The following FRMD5 variants were observed in gnomAD, a reference collection of about 807,000 sequenced individuals.
The protein encoded by FRMD5 is FERM domain-containing protein 5.
Under a neutral mutation model 69.0 loss-of-function variants are expected in FRMD5, and 20 were observed. The observed-to-expected ratio is 0.29, with a 90% confidence interval of 0.20 to 0.42. The LOEUF (loss-of-function observed/expected upper bound fraction) is 0.42, where lower values mean the gene tolerates loss of function less well. Ranked by LOEUF, FRMD5 falls within the 10% of genes least tolerant of loss-of-function variation. The pLI is 1.00. For synonymous variants in FRMD5, 271 were observed against 260.1 expected (o/e 1.04, Z -0.40); for missense variants, 595 against 708.6 (o/e 0.84, Z 1.82).
At chr15:43,878,986 G>A (rs577931323) in intron 13 of FRMD5, among the ~76,000 whole-genome samples, 1 of 134,728 alleles carries the variant, frequency 7.4e-6, no homozygotes, top group South Asian at 2.3e-4. Flanking sequence ...TGCCCAGGCT[G>A]GAGTGCAATG....
intron 1 of FRMD5, among the ~76,000 whole-genome samples, chr15:44,017,297 C>A (rs1198170739): frequency 6.6e-6 from 1 of 151,314 alleles, no homozygotes; most frequent in African/African-American, 2.4e-5. Flanking sequence ...AAGATAGCGC[C>A]ACTGCAGTCT....
At chr15:44,024,229 TTA>T (rs1891335823) in intron 1 of FRMD5, among the ~76,000 whole-genome samples, 2 of 152,154 alleles carry the variant, frequency 1.3e-5, no homozygotes, top group African/African-American at 2.4e-5. Context: ...ATTTTTTTTT[TTA>T]TGATTTTCGA....
intron 13 of FRMD5, among the ~76,000 whole-genome samples, chr15:43,875,365 T>A (rs56126604): frequency 0.15 from 12,427 of 83,688 alleles, 706 homozygotes; most frequent in Non-Finnish European, 0.17. Context: ...AAAAAAAAAA[T>A]ATATATATAT....
intron 1 of FRMD5, among the ~76,000 whole-genome samples, chr15:44,169,445 T>C (rs1202633868): frequency 6.6e-6 from 1 of 151,200 alleles, no homozygotes; most frequent in African/African-American, 2.4e-5. Flanking sequence ...GATCACCAGG[T>C]GGAAAGGGAG....
chr15:43,940,911 A>G (rs949849494), intron 1 of FRMD5, among the ~76,000 whole-genome samples: 3 of 152,222 alleles, frequency 2.0e-5, no homozygotes, highest in Non-Finnish European at 4.4e-5. Flanking sequence ...GGCTCTGACT[A>G]CTGAATTAAT....
Position 44,064,524 on chromosome 15 carries a change from G to C in FRMD5, c.102+130429C>G, listed in dbSNP as rs945787727. On this transcript the variant is annotated intron_variant, in intron 1 of 13. Coordinates refer to ENST00000417257, the MANE Select transcript of FRMD5 (RefSeq NM_032892.5). ...GAATTGCTTGAACTCGGGATGCGGA[G>C]GGTGTGATGAGCCGAGATCTCGTCA... Among the ~76,000 whole-genome samples the C allele has an allele frequency of 3.9e-5, 6 of 152,280 alleles. 1 individual carries two copies. The highest frequency in any genetic ancestry group is 3.3e-4 in the Admixed American group (5 of 15,298).
chr15:44,033,848 A>G lies in FRMD5; in HGVS notation c.103-109539T>C, dbSNP rs555119048. Among the ~76,000 whole-genome samples, 108 of 152,322 alleles carry G rather than the reference A, an allele frequency of 7.1e-4. 1 individual carries two copies. In the South Asian group the frequency reaches 0.022, roughly 31 times the overall value. On this transcript the variant is annotated intron_variant, in intron 1 of 13. Transcript: ENST00000417257. ...ACATGAGTGAAAACGGTTTGTCCCT[A>G]AGATTCGTAAGAATTAAATAAGATC...
chr15:44,152,127 T>C (rs1218227825), intron 1 of FRMD5, among the ~76,000 whole-genome samples: 1 of 152,176 alleles, frequency 6.6e-6, no homozygotes, highest in South Asian at 2.1e-4. Context: ...TGAGAATTGC[T>C]TGAACCTGGG....
chr15:44,092,742 C>G (rs903767810), intron 1 of FRMD5, among the ~76,000 whole-genome samples: 2 of 152,088 alleles, frequency 1.3e-5, no homozygotes, highest in African/African-American at 4.8e-5. Flanking sequence ...CCAGAATCCT[C>G]TCCCACCTCT....
At chr15:44,020,797 T>G (rs1235620972) in intron 1 of FRMD5, among the ~76,000 whole-genome samples, 1 of 152,188 alleles carries the variant, frequency 6.6e-6, no homozygotes, top group Non-Finnish European at 1.5e-5. Context: ...TTGTAGTGTT[T>G]GTTGATTTCA....
chr15:44,128,221 T>C (rs1439799733), intron 1 of FRMD5, among the ~76,000 whole-genome samples: 2 of 152,342 alleles, frequency 1.3e-5, no homozygotes, highest in Middle Eastern at 3.4e-3. Flanking sequence ...GGCTCAGGCC[T>C]GTAATCTCAG....
At chr15:43,955,033 A>G (rs2090092759) in intron 1 of FRMD5, among the ~76,000 whole-genome samples, 2 of 152,210 alleles carry the variant, frequency 1.3e-5, no homozygotes, top group African/African-American at 4.8e-5. Flanking sequence ...AGGAGAAAAA[A>G]ATGTCATTTT....
At chr15:44,121,847 T>C (rs1319259073) in intron 1 of FRMD5, among the ~76,000 whole-genome samples, 2 of 151,440 alleles carry the variant, frequency 1.3e-5, no homozygotes, top group South Asian at 4.2e-4. Context: ...ATACAAAAAT[T>C]AGCCGGGCAT....
intron 1 of FRMD5, among the ~76,000 whole-genome samples, chr15:43,931,829 AGTGCAGTCTGG>A (rs1312846358): frequency 6.6e-6 from 1 of 152,168 alleles, no homozygotes; most frequent in Non-Finnish European, 1.5e-5. Flanking sequence ...TTGAGTCCTG[AGTGCAGTCTGG>A]GTGCAGTTTC....
intron 1 of FRMD5, among the ~76,000 whole-genome samples, chr15:44,046,294 A>T (rs1703679914): frequency 6.6e-6 from 1 of 152,230 alleles, no homozygotes; most frequent in Non-Finnish European, 1.5e-5. Flanking sequence ...AGGGGAATTA[A>T]TAAATAGCTA....
intron 1 of FRMD5, among the ~76,000 whole-genome samples, chr15:43,954,095 C>T (rs11858955): frequency 6.6e-6 from 1 of 152,186 alleles, no homozygotes; most frequent in Non-Finnish European, 1.5e-5. Context: ...GGAAAGCAAG[C>T]TACCTGGCCA....
At chr15:44,003,688 A>G (rs1890313654) in intron 1 of FRMD5, among the ~76,000 whole-genome samples, 1 of 152,102 alleles carries the variant, frequency 6.6e-6, no homozygotes, top group Non-Finnish European at 1.5e-5. Flanking sequence ...CAAGGCCCAC[A>G]CTGACTACCG....
intron 1 of FRMD5, among the ~76,000 whole-genome samples, chr15:44,066,842 G>T (rs1378896460): frequency 6.6e-5 from 10 of 152,136 alleles, no homozygotes; most frequent in Non-Finnish European, 1.2e-4. Flanking sequence ...AAAGTAAAGG[G>T]AAGGAGTCAG....
At chr15:43,879,659 A>C (rs991182212) in intron 13 of FRMD5, 2 of 398,314 alleles carry the variant, frequency 5.0e-6, no homozygotes, top group African/African-American at 4.1e-5. Flanking sequence ...TCTTAATCAG[A>C]CTCTTCCCCA....
Sources: gnomAD v4.1 joint callset for allele counts (sites outside exome capture counted in the v4.1 genomes callset) on GRCh38, gnomAD v4.1.1 for gene constraint, MANE v1.5 for transcripts, NCBI Gene and HGNC (gene_info 2026-07-23, HGNC 2026-07-21) for gene names.